Variants in NELL1 observed in about 807,000 individuals in gnomAD.
The protein encoded by NELL1 is neural EGFL like 1.
A neutral mutation model predicts 107.4 loss-of-function variants in NELL1; 76 were observed. The ratio of observed to expected loss-of-function variants is 0.71; its 90% confidence interval spans 0.59 to 0.86. NELL1 has a LOEUF of 0.86. Among genes scored for constraint, NELL1 ranks in the 40% least tolerant of loss-of-function variants. The pLI is 0.00. For synonymous variants in NELL1, 353 were observed against 341.2 expected (o/e 1.03, Z -0.38); for missense variants, 1,024 against 1,005.5 (o/e 1.02, Z -0.25).
At chr11:21,126,177 G>A (rs1855482809) in intron 13 of NELL1, among the ~76,000 whole-genome samples, 1 of 152,088 alleles carries the variant, frequency 6.6e-6, no homozygotes, top group African/African-American at 2.4e-5. Context: ...GATAGGATAG[G>A]ATAGCAGGCT....
rs541654717 is a variant in NELL1 at position 21,296,581 on chromosome 11, T to G, written c.1549+67127T>G. On this transcript the variant is annotated intron_variant, in intron 14 of 19. Coordinates refer to ENST00000357134, the MANE Select transcript of NELL1 (RefSeq NM_006157.5). The stretch of plus-strand genomic sequence containing the variant: ...AACACAGTTCAGTGTTTGGTTACAT[T>G]GTAAAGATCACAAATACAGACCTAT... 2.2e-4 allele frequency among the ~76,000 whole-genome samples: 33 copies of G among 152,148 alleles called. 1 individual carries two copies. The South Asian group carries it at 6.0e-3, about 28-fold the overall frequency.
chr11:20,857,342 T>C (rs1411169081), intron 4 of NELL1, among the ~76,000 whole-genome samples: 2 of 152,088 alleles, frequency 1.3e-5, no homozygotes, highest in Admixed American at 1.3e-4. Flanking sequence ...TCACCACCCA[T>C]CCACTCACTC....
At chr11:21,365,594 T>C (rs537519681) in intron 14 of NELL1, among the ~76,000 whole-genome samples, 49 of 152,314 alleles carry the variant, frequency 3.2e-4, no homozygotes, top group South Asian at 1.7e-3. Flanking sequence ...AAATGGCTAC[T>C]GGAACTGCTG....
At chr11:21,492,583 A>G (rs1212936233) in intron 15 of NELL1, among the ~76,000 whole-genome samples, 1 of 152,004 alleles carries the variant, frequency 6.6e-6, no homozygotes, top group Non-Finnish European at 1.5e-5. Flanking sequence ...AGATGAGTTC[A>G]TGTCCTTTGT....
At chr11:21,512,266 T>G (rs11026120) in intron 15 of NELL1, among the ~76,000 whole-genome samples, 57,467 of 152,024 alleles carry the variant, frequency 0.38, 12,282 homozygotes, top group South Asian at 0.52. Flanking sequence ...TTTTCTTCTC[T>G]TTCTATCTCC....
intron 3 of NELL1, among the ~76,000 whole-genome samples, chr11:20,812,958 G>C (rs570896658): frequency 7.6e-6 from 1 of 131,484 alleles, no homozygotes; most frequent in East Asian, 2.5e-4. Flanking sequence ...GCAGTGAGCC[G>C]GGATTGAGCC....
intron 15 of NELL1, among the ~76,000 whole-genome samples, chr11:21,515,370 T>C (rs1397195769): frequency 6.6e-6 from 1 of 152,152 alleles, no homozygotes; most frequent in Non-Finnish European, 1.5e-5. Flanking sequence ...AGGAAGCAGA[T>C]ATCATCAACT....
At chr11:21,163,117 G>T (rs1015528979) in intron 13 of NELL1, among the ~76,000 whole-genome samples, 4 of 152,104 alleles carry the variant, frequency 2.6e-5, no homozygotes, top group Non-Finnish European at 4.4e-5. Context: ...TGGAAACACT[G>T]GTCATTCAAA....
chr11:21,306,753 G>A (rs969029387), intron 14 of NELL1, among the ~76,000 whole-genome samples: 7 of 152,006 alleles, frequency 4.6e-5, no homozygotes, highest in Non-Finnish European at 8.8e-5. Flanking sequence ...CCAAAATTAT[G>A]AGCACAAGGT....
intron 13 of NELL1, among the ~76,000 whole-genome samples, chr11:21,163,398 G>C (rs1856414961): frequency 1.3e-5 from 2 of 152,300 alleles, no homozygotes; most frequent in Non-Finnish European, 2.9e-5. Flanking sequence ...TCTGGAGGAA[G>C]GATGATGATA....
Position 21,245,844 on chromosome 11 carries a change from TG to T in NELL1, c.1549+16391del, listed in dbSNP as rs532316309. On this transcript the variant is annotated intron_variant, in intron 14 of 19. Coordinates refer to ENST00000357134, the MANE Select transcript of NELL1 (RefSeq NM_006157.5). ...TCTTAGACTTACCTTTAGGTATTTA[TG>T]TTATGAAGGGGAAGGTTTTAAGCTG... Among the ~76,000 whole-genome samples the T allele has an allele frequency of 9.9e-5, 15 of 152,280 alleles. No individual in the cohort carries two copies. The East Asian group carries it at 2.7e-3, about 28-fold the overall frequency.
At chr11:21,449,771 G>A (rs1853532559) in intron 15 of NELL1, among the ~76,000 whole-genome samples, 1 of 152,182 alleles carries the variant, frequency 6.6e-6, no homozygotes, top group Non-Finnish European at 1.5e-5. Flanking sequence ...TCTGTTGCAT[G>A]TGGCTACCAC....
chr11:20,758,352 C>T (rs1414977761), intron 2 of NELL1, among the ~76,000 whole-genome samples: 1 of 152,182 alleles, frequency 6.6e-6, no homozygotes, highest in Non-Finnish European at 1.5e-5. Context: ...AATCCAAACT[C>T]CTTAGCATGA....
At chr11:20,695,426 G>A (rs557086318) in intron 2 of NELL1, among the ~76,000 whole-genome samples, 5 of 152,152 alleles carry the variant, frequency 3.3e-5, no homozygotes, top group African/African-American at 1.2e-4. Flanking sequence ...GGTGGCTATG[G>A]GTTTGCATAG....
intron 14 of NELL1, among the ~76,000 whole-genome samples, chr11:21,358,872 A>G (rs753787537): frequency 5.1e-4 from 78 of 152,164 alleles, no homozygotes; most frequent in Non-Finnish European, 7.4e-4. Context: ...TATCAGATCT[A>G]GGAGCTTTTT....
At chr11:21,138,610 G>A (rs577788465) in intron 13 of NELL1, among the ~76,000 whole-genome samples, 1 of 152,286 alleles carries the variant, frequency 6.6e-6, no homozygotes, top group African/African-American at 2.4e-5. Flanking sequence ...GTCATGCTGG[G>A]TTTGAGATGT....
intron 14 of NELL1, among the ~76,000 whole-genome samples, chr11:21,334,608 T>C (rs1850345871): frequency 6.6e-6 from 1 of 151,996 alleles, no homozygotes; most frequent in Non-Finnish European, 1.5e-5. Flanking sequence ...ATTTCTATTA[T>C]ATCTTTGTAG....
intron 2 of NELL1, among the ~76,000 whole-genome samples, chr11:20,735,414 C>T (rs1652781439): frequency 6.6e-6 from 1 of 152,058 alleles, no homozygotes; most frequent in South Asian, 2.1e-4. Flanking sequence ...CACATGATGA[C>T]AGGAAGGAGA....
chr11:21,261,756 A>G (rs1590783145), intron 14 of NELL1, among the ~76,000 whole-genome samples: 1 of 151,892 alleles, frequency 6.6e-6, no homozygotes, highest in East Asian at 1.9e-4. Flanking sequence ...TCAAGTCTCT[A>G]CATACATGTA....
Sources: allele counts gnomAD v4.1 joint callset (sites outside exome capture counted in the v4.1 genomes callset), GRCh38; gene constraint gnomAD v4.1.1; transcripts MANE v1.5; gene names NCBI Gene and HGNC (gene_info 2026-07-23, HGNC 2026-07-21).